PDE4C: variants seen among roughly 807,000 people sequenced by gnomAD.
The protein encoded by PDE4C is 3',5'-cyclic-AMP phosphodiesterase 4C.
A neutral mutation model predicts 63.9 loss-of-function variants in PDE4C; 50 were observed. That is an observed-to-expected ratio of 0.78 (90% CI 0.62 to 0.99). The LOEUF (loss-of-function observed/expected upper bound fraction) is 0.99. PDE4C is among the 50% of genes least tolerant of loss of function. The pLI is 0.00. For missense variants in PDE4C, 777 were observed against 899.1 expected, an observed-to-expected ratio of 0.86 and a Z score of 1.74; for synonymous variants, 377 against 385.1, an observed-to-expected ratio of 0.98 and a Z score of 0.25.
At chr19:18,244,298 T>C (rs1969092632) in intron 1 of PDE4C, among the ~76,000 whole-genome samples, 1 of 151,370 alleles carries the variant, frequency 6.6e-6, no homozygotes, top group African/African-American at 2.4e-5. Context: ...TTTGTTTTGT[T>C]TTGTTTTTTT....
chr19:18,213,639 C>T, intron 12 of PDE4C, 149 bp from the exon 13 acceptor site: 1 of 927,670 alleles, frequency 1.1e-6, no homozygotes, highest in Non-Finnish European at 1.5e-6. Context: ...ACTGCATTCA[C>T]TGCAAACTCT....
At chr19:18,224,802 C>G (rs1325865168) in intron 1 of PDE4C, among the ~76,000 whole-genome samples, 1 of 152,212 alleles carries the variant, frequency 6.6e-6, no homozygotes, top group Non-Finnish European at 1.5e-5. Context: ...GCTTCTTAAC[C>G]CTTCCCTGGC....
upstream of PDE4C, among the ~76,000 whole-genome samples, chr19:18,249,362 A>G (rs1422560331): frequency 6.6e-6 from 1 of 151,442 alleles, no homozygotes; most frequent in Non-Finnish European, 1.5e-5. Context: ...GCAACCTCTG[A>G]CTCCCAGGCT....
chr19:18,218,108 G>T, intron 11 of PDE4C, 41 bp downstream of exon 11: 1 of 1,454,304 alleles, frequency 6.9e-7, no homozygotes. Flanking sequence ...TGGAGGCAGG[G>T]TCCACCTCTT....
exon 4 of PDE4C, chr19:18,221,140 C>T (rs1179874582): frequency 1.3e-6 from 2 of 1,587,032 alleles, no homozygotes; most frequent in Non-Finnish European, 1.7e-6. Context: ...GGGCAAGGGC[C>T]GCCACGTTGC....
intron 7 of PDE4C, 110 bp from the exon 8 acceptor site, chr19:18,219,507 A>T (rs553658822): frequency 4.8e-6 from 6 of 1,257,060 alleles, no homozygotes; most frequent in Non-Finnish European, 5.4e-6. Flanking sequence ...CCCTTTCTAC[A>T]GGAACCAAAG....
At chr19:18,213,531 GC>G in intron 12 of PDE4C, 41 bp from the exon 13 acceptor site, 1 of 1,586,936 alleles carries the variant, frequency 6.3e-7, no homozygotes, top group Non-Finnish European at 8.6e-7. Context: ...CGAGGACCCT[GC>G]CCACCCCAAC....
chr19:18,255,059 G>A, the PDE4C span, among the ~76,000 whole-genome samples: 1 of 152,218 alleles, frequency 6.6e-6, no homozygotes, highest in Non-Finnish European at 1.5e-5. The surrounding 1 kb of genome is among the most constrained non-coding windows in gnomAD (Gnocchi z 4.6). Context: ...CCTCACAGCT[G>A]CTCCGTTTGT....
intron 1 of PDE4C, among the ~76,000 whole-genome samples, chr19:18,232,735 T>C (rs2148054078): frequency 6.6e-6 from 1 of 152,162 alleles, no homozygotes; most frequent in South Asian, 2.1e-4. Flanking sequence ...CAACCGCACG[T>C]GGGCACACCC....
At chr19:18,221,359 A>G in intron 2 of PDE4C, 62 bp from the exon 3 acceptor site, 2 of 1,490,482 alleles carry the variant, frequency 1.3e-6, no homozygotes, top group Non-Finnish European at 1.8e-6. Context: ...TACCCACACC[A>G]TATGCCCTCA....
At chr19:18,251,959 C>T, upstream of PDE4C, 2 of 397,656 alleles carry the variant, frequency 5.0e-6, no homozygotes, top group Non-Finnish European at 8.9e-6. Context: ...GAAGCCCTTC[C>T]TAGAGCATTC....
intron 1 of PDE4C, chr19:18,232,798 T>C (rs986417683): frequency 1.8e-5 from 17 of 933,660 alleles, no homozygotes; most frequent in Non-Finnish European, 2.6e-5. Context: ...GCTCCACCCC[T>C]ACGTAGAAAT....
At position 18,220,527 on chromosome 19, in the gene PDE4C, G is replaced by A; in HGVS notation, c.500-12C>T. 6.3e-7 allele frequency: 1 copy of A among 1,587,970 alleles called. No individual in the cohort carries two copies. Among genetic ancestry groups the A allele is most frequent in the Non-Finnish European group, 8.6e-7 (1 of 1,166,454 alleles). On this transcript the variant is annotated splice_polypyrimidine_tract_variant and intron_variant, in intron 5 of 14. Coordinates refer to ENST00000262805, the Ensembl canonical transcript of PDE4C. This position sits in a 1 kb window ranked among gnomAD's most constrained non-coding sequence, Gnocchi z 5.1. The stretch of plus-strand genomic sequence containing the variant: ...CTGCCCCGTGTCCTCTGGGAGCCGA[G>A]GCAGTCAGGGGCCTGCCCAACCCCC...
In PDE4C at chr19:18,220,991, C is replaced by G. The variant is rs1213477881; in HGVS notation, c.450-68G>C. 6.4e-6 allele frequency: 10 copies of G among 1,554,730 alleles called. No individual in the cohort carries two copies. Among genetic ancestry groups the G allele is most frequent in the Middle Eastern group, 2.2e-4 (1 of 4,556 alleles). On this transcript the variant is annotated intron_variant, in intron 4 of 14. Transcript: ENST00000262805. This position sits in a 1 kb window ranked among gnomAD's most constrained non-coding sequence, Gnocchi z 5.1. ...GCCCCGCCCCCAAGTCCACCAGGCC[C>G]CGCCCCTCAAACCCACCTGGAGGCG...
At position 18,211,153 on chromosome 19, in the gene PDE4C, G is replaced by T; in HGVS notation, c.1819C>A (p.Pro607Thr). ...TTGGTGAGGTCTGAGGGACTTCGGG[G>T]GATCTTGCTCTGGTACCACTCTCGA... The change falls in exon 15 of 15, where the codon CCC becomes ACC. Residue 607 changes from proline (P) to threonine (T), a missense_variant. Transcript: ENST00000262805. 1 of 1,614,126 alleles carries T rather than the reference G, an allele frequency of 6.2e-7. No individual in the cohort carries two copies. Among genetic ancestry groups the T allele is most frequent in the South Asian group, 1.1e-5 (1 of 91,080 alleles).
upstream of PDE4C, among the ~76,000 whole-genome samples, chr19:18,230,259 A>G (rs1003388632): frequency 6.6e-6 from 1 of 152,106 alleles, no homozygotes; most frequent in South Asian, 2.1e-4. Context: ...CAATCCCAGC[A>G]CTCTGGGAGG....
chr19:18,232,638 G>C (rs897874194), intron 1 of PDE4C, among the ~76,000 whole-genome samples: 2 of 151,976 alleles, frequency 1.3e-5, no homozygotes, highest in Admixed American at 6.6e-5. Context: ...TCATACCCAA[G>C]CATGAACGTA....
exon 1 of PDE4C, chr19:18,233,471 C>T (rs746811802): frequency 4.5e-6 from 3 of 673,450 alleles, no homozygotes; most frequent in Non-Finnish European, 5.5e-6. Context: ...AGACCCCCCC[C>T]CAACACACCA....
At chr19:18,213,155 G>C (rs1403010655) in intron 13 of PDE4C, among the ~76,000 whole-genome samples, 1 of 151,496 alleles carries the variant, frequency 6.6e-6, no homozygotes, top group East Asian at 2.0e-4. Context: ...GCGGTGCCGG[G>C]CACCTGTAAT....
Sources: allele counts gnomAD v4.1 joint callset (sites outside exome capture counted in the v4.1 genomes callset), GRCh38; gene constraint gnomAD v4.1.1; non-coding constraint Gnocchi (gnomAD v3.1); transcripts MANE v1.5; gene names NCBI Gene and HGNC (gene_info 2026-07-23, HGNC 2026-07-21).